ANKRD44: variants seen among roughly 807,000 people sequenced by gnomAD.
ANKRD44 encodes the protein serine/threonine-protein phosphatase 6 regulatory ankyrin repeat subunit B.
Under a neutral mutation model 116.0 loss-of-function variants are expected in ANKRD44, and 35 were observed. The observed-to-expected ratio is 0.30, with a 90% CI of 0.23 to 0.40. The LOEUF (loss-of-function observed/expected upper bound fraction) is 0.40, where lower values mean the gene tolerates loss of function less well. Ranked by LOEUF, ANKRD44 falls within the 10% of genes least tolerant of loss-of-function variation. The pLI, the probability that ANKRD44 is intolerant of heterozygous loss-of-function variation, is 1.00. For missense variants in ANKRD44, 1,014 were observed against 1,242.6 expected, an observed-to-expected ratio of 0.82 and a Z score of 2.77; for synonymous variants, 435 against 461.8, an observed-to-expected ratio of 0.94 and a Z score of 0.74.
At chr2:197,117,301 G>A (rs909092811) in intron 8 of ANKRD44, among the ~76,000 whole-genome samples, 3 of 151,976 alleles carry the variant, frequency 2.0e-5, no homozygotes, top group African/African-American at 7.3e-5. Context: ...GTGCAGTGGT[G>A]GGATCTCAAC....
intron 1 of ANKRD44, among the ~76,000 whole-genome samples, chr2:197,227,279 A>T (rs2081739611): frequency 6.6e-6 from 1 of 152,248 alleles, no homozygotes; most frequent in Admixed American, 6.5e-5. Context: ...TTCTTGAGGA[A>T]GGAATAATTT....
At chr2:197,227,571 T>G (rs2125751604) in intron 1 of ANKRD44, among the ~76,000 whole-genome samples, 1 of 150,574 alleles carries the variant, frequency 6.6e-6, no homozygotes, top group East Asian at 1.9e-4. Flanking sequence ...CTAAACTATT[T>G]TAAAATAACC....
intron 1 of ANKRD44, among the ~76,000 whole-genome samples, chr2:197,242,499 C>A (rs1250479851): frequency 1.3e-5 from 2 of 152,216 alleles, no homozygotes; most frequent in African/African-American, 4.8e-5. Context: ...AGCCAACCTA[C>A]AAACCACTTT....
intron 2 of ANKRD44, among the ~76,000 whole-genome samples, chr2:197,185,217 T>G (rs2080624756): frequency 6.6e-6 from 1 of 152,082 alleles, no homozygotes; most frequent in South Asian, 2.1e-4. Flanking sequence ...CCTTCTGGAG[T>G]AGCCTGTCCC....
intron 1 of ANKRD44, among the ~76,000 whole-genome samples, chr2:197,230,574 A>G (rs926247294): frequency 3.9e-5 from 6 of 152,190 alleles, no homozygotes; most frequent in Non-Finnish European, 1.5e-5. Context: ...GTAAAATTAA[A>G]AAGTATTTTT....
At chr2:197,106,807 T>TATATATATATA (rs1553509477) in intron 9 of ANKRD44, among the ~76,000 whole-genome samples, 2 of 107,340 alleles carry the variant, frequency 1.9e-5, no homozygotes, top group African/African-American at 6.8e-5. Flanking sequence ...TATATATATA[T>TATATATATATA]TTTTTTTTTT....
At chr2:197,306,747 G>C (rs149200270) in intron 1 of ANKRD44, among the ~76,000 whole-genome samples, 36 of 152,282 alleles carry the variant, frequency 2.4e-4, no homozygotes, top group African/African-American at 7.9e-4. Flanking sequence ...AGGATTTCTA[G>C]TCTCTTGCCA....
intron 1 of ANKRD44, among the ~76,000 whole-genome samples, chr2:197,209,186 A>G (rs1246109935): frequency 6.6e-6 from 1 of 152,226 alleles, no homozygotes; most frequent in Non-Finnish European, 1.5e-5. Context: ...GATGCTGTTT[A>G]TGAGCCTTGA....
In ANKRD44 at chr2:197,203,174, A is replaced by T. The variant is rs1173369904; in HGVS notation, c.28-16068T>A. 6.6e-6 allele frequency among the ~76,000 whole-genome samples: 1 copy of T among 152,200 alleles called. No individual in the cohort carries two copies. The highest frequency in any genetic ancestry group is 1.9e-4 in the East Asian group (1 of 5,202). On this transcript the variant is annotated intron_variant, in intron 1 of 27. Coordinates refer to ENST00000282272, the MANE Select transcript of ANKRD44 (RefSeq NM_001195144.2). The surrounding 1 kb of genome is among the most constrained non-coding windows in gnomAD (Gnocchi z 4.1). ...CCTATAGAAATAATGAGATATACAG[A>T]CAATTTTTGTATAAAGATGTTCATA...
chr2:197,149,718 C>T (rs1047137804), intron 2 of ANKRD44, among the ~76,000 whole-genome samples: 12 of 152,190 alleles, frequency 7.9e-5, no homozygotes, highest in African/African-American at 2.2e-4. Context: ...GGGTTGCTAA[C>T]GTCTTCTCTT....
chr2:197,060,039 C>T lies in ANKRD44; in HGVS notation c.1650+18664G>A, dbSNP rs536936861. 8.5e-5 allele frequency among the ~76,000 whole-genome samples: 13 copies of T among 152,298 alleles called. No individual in the cohort carries two copies. In the South Asian group the frequency reaches 2.7e-3, roughly 32 times the overall value. On this transcript the variant is annotated intron_variant, in intron 16 of 27. Transcript: ENST00000282272. ...TTGTGAATCTCTCACTAACTGACCC[C>T]AGAATGGGACATGCTGTCCCCTAAA...
At chr2:197,021,173 A>C (rs1289060985) in intron 17 of ANKRD44, among the ~76,000 whole-genome samples, 1 of 152,222 alleles carries the variant, frequency 6.6e-6, no homozygotes, top group Non-Finnish European at 1.5e-5. Flanking sequence ...TATATGTGCC[A>C]CATTTGCTTA....
intron 4 of ANKRD44, among the ~76,000 whole-genome samples, chr2:197,133,108 G>A (rs1211773663): frequency 6.6e-6 from 1 of 152,176 alleles, no homozygotes; most frequent in Admixed American, 6.5e-5. Context: ...AGCTTCACAT[G>A]ATGACACTAA....
chr2:197,126,921 G>A (rs746143357), intron 4 of ANKRD44, among the ~76,000 whole-genome samples: 26 of 151,950 alleles, frequency 1.7e-4, no homozygotes, highest in Non-Finnish European at 3.2e-4. Context: ...GGAGTTTGAC[G>A]TGATCACAAT....
At chr2:197,100,818 T>C (rs1238857245) in intron 9 of ANKRD44, among the ~76,000 whole-genome samples, 2 of 152,210 alleles carry the variant, frequency 1.3e-5, no homozygotes, top group Non-Finnish European at 2.9e-5. Context: ...TAATATAGTA[T>C]TGTCATTATG....
chr2:197,122,279 G>T (rs2125326662), intron 7 of ANKRD44, among the ~76,000 whole-genome samples: 1 of 152,260 alleles, frequency 6.6e-6, no homozygotes, highest in East Asian at 1.9e-4. Context: ...AGTAGACATT[G>T]CTGCTGTTTG....
intron 1 of ANKRD44, among the ~76,000 whole-genome samples, chr2:197,238,123 G>A (rs1260879044): frequency 6.6e-6 from 1 of 152,192 alleles, no homozygotes; most frequent in African/African-American, 2.4e-5. Flanking sequence ...TCATGTCACA[G>A]TTTGTACAGT....
chr2:196,999,825 C>T (rs1243019010), intron 23 of ANKRD44, among the ~76,000 whole-genome samples: 1 of 152,036 alleles, frequency 6.6e-6, no homozygotes, highest in Non-Finnish European at 1.5e-5. Context: ...TATCTCCTGG[C>T]CTCATGATCC....
intron 14 of ANKRD44, among the ~76,000 whole-genome samples, chr2:197,082,255 G>A (rs2077814883): frequency 6.6e-6 from 1 of 152,152 alleles, no homozygotes; most frequent in Admixed American, 6.6e-5. Context: ...TTGGCACATA[G>A]TAGATGCTCA....
Sources: allele counts gnomAD v4.1 joint callset (sites outside exome capture counted in the v4.1 genomes callset), GRCh38; gene constraint gnomAD v4.1.1; non-coding constraint Gnocchi (gnomAD v3.1); transcripts MANE v1.5; gene names NCBI Gene and HGNC (gene_info 2026-07-23, HGNC 2026-07-21).